The following BSCL2 variants were observed in gnomAD, a reference collection of about 807,000 sequenced individuals.
The protein encoded by BSCL2 is BSCL2 lipid droplet biogenesis associated, seipin.
BSCL2 carries 41 observed loss-of-function variants against 57.4 expected under a neutral mutation model. The observed-to-expected ratio is 0.71, with a 90% CI of 0.56 to 0.93. BSCL2 has a LOEUF of 0.93. BSCL2 is among the 40% of genes least tolerant of loss of function. BSCL2 has a pLI of 0.00. For missense variants in BSCL2, 539 were observed against 586.7 expected, an observed-to-expected ratio of 0.92 and a Z score of 0.84; for synonymous variants, 237 against 227.3, an observed-to-expected ratio of 1.04 and a Z score of -0.38.
intron 3 of BSCL2, among the ~76,000 whole-genome samples, chr11:62,701,434 C>T (rs1475709038): frequency 5.9e-5 from 9 of 152,166 alleles, no homozygotes; most frequent in Middle Eastern, 3.2e-3. Flanking sequence ...TAAACATGCT[C>T]AGAACACTTA....
In BSCL2 at chr11:62,692,824, G is replaced by C. The variant is rs376285926; in HGVS notation, c.631-27C>G. 13 of 1,611,638 alleles carry C rather than the reference G, an allele frequency of 8.1e-6. No homozygotes were observed. The African/African-American group carries it at 1.5e-4, about 18-fold the overall frequency. On this transcript the variant is annotated intron_variant, in intron 4 of 10. Coordinates refer to ENST00000360796, the MANE Select transcript of BSCL2 (RefSeq NM_001122955.4). ...TGCCGGGGGTGGGAAGCAGAGGCTGGGGACAGGTGCATGCCAGATCCCCAT... is the reference window on the plus strand; with the variant it reads ...TGCCGGGGGTGGGAAGCAGAGGCTGCGGACAGGTGCATGCCAGATCCCCAT...
chr11:62,692,643 A>G lies in BSCL2; in HGVS notation c.765+20T>C, dbSNP rs1945343984. 1 of 1,613,720 alleles carries G rather than the reference A, an allele frequency of 6.2e-7. No individual in the cohort carries two copies. Among genetic ancestry groups the G allele is most frequent in the African/African-American group, 1.3e-5 (1 of 74,898 alleles). On this transcript the variant is annotated intron_variant, in intron 5 of 10. Coordinates refer to ENST00000360796, the MANE Select transcript of BSCL2 (RefSeq NM_001122955.4). ...GGGAGGGGCTATCTCCTAGTCATAA[A>G]GCTCGTTCACCTCACTCACCGAGTT...
intron 1 of BSCL2, chr11:62,706,748 T>C: frequency 3.9e-6 from 2 of 519,134 alleles, no homozygotes; most frequent in Non-Finnish European, 7.7e-6. Flanking sequence ...ATGTTGCAGT[T>C]TGCGGCAACC....
In BSCL2 at chr11:62,690,646, G is replaced by A. The variant is rs766492897; in HGVS notation, c.1200C>T (p.Ser400=). 1.4e-5 allele frequency: 22 copies of A among 1,613,804 alleles called. No homozygotes were observed. Among genetic ancestry groups the A allele is most frequent in the Middle Eastern group, 1.6e-4 (1 of 6,084 alleles). ...CCTCAGGCTCTAGCTCCTCTTCTCC[G>A]CTCAGGGGCTGCTGATCTGGTTTCT... ...EEEKPDQQPL[S]GEEELEPEAS... is the part of the protein sequence containing the mutation. The change falls in exon 10 of 11, where the codon AGC becomes AGT. Residue 400 remains serine (S), a synonymous_variant. Transcript: ENST00000360796.
chr11:62,705,176 A>G, intron 2 of BSCL2, 125 bp downstream of exon 2: 1 of 1,048,596 alleles, frequency 9.5e-7, no homozygotes, highest in South Asian at 1.4e-5. Context: ...GAAAGTTGAG[A>G]GGCCCTGGAA....
At chr11:62,697,296 G>A (rs1945499456) in intron 3 of BSCL2, among the ~76,000 whole-genome samples, 1 of 150,390 alleles carries the variant, frequency 6.6e-6, no homozygotes, top group South Asian at 2.1e-4. Flanking sequence ...TTGGGAGGCT[G>A]AGGCAGGAGA....
intron 3 of BSCL2, chr11:62,697,394 A>C (rs911348445): frequency 1.3e-5 from 2 of 151,008 alleles, no homozygotes; most frequent in Admixed American, 6.6e-5. Flanking sequence ...CAAAAAAAAA[A>C]AAAAAAAAAA....
chr11:62,700,084 T>TAAAAAAAAAAAAAAA (rs34412546), intron 3 of BSCL2, among the ~76,000 whole-genome samples: 1 of 80,228 alleles, frequency 1.2e-5, no homozygotes, highest in Non-Finnish European at 2.4e-5. Flanking sequence ...TACTAAAAAT[T>TAAAAAAAAAAAAAAA]AAAAAAAAAA....
At chr11:62,696,866 A>C (rs1590875547) in intron 3 of BSCL2, among the ~76,000 whole-genome samples, 1 of 151,824 alleles carries the variant, frequency 6.6e-6, no homozygotes. Context: ...AAATTCTTTG[A>C]AACATTAAAA....
intron 2 of BSCL2, among the ~76,000 whole-genome samples, chr11:62,705,075 CTTTTTTT>C (rs566098807): frequency 1.8e-4 from 24 of 133,018 alleles, no homozygotes; most frequent in East Asian, 4.3e-4. Context: ...GATATTTTTC[CTTTTTTT>C]TTTTTTTTTT....
chr11:62,707,472 A>G, upstream of BSCL2: 2 of 677,318 alleles, frequency 3.0e-6, no homozygotes, highest in Non-Finnish European at 5.4e-6. Context: ...AGGGGCCGTC[A>G]TAGGCCCAGA....
upstream of BSCL2, chr11:62,708,335 G>A: frequency 6.2e-7 from 1 of 1,613,698 alleles, no homozygotes; most frequent in Non-Finnish European, 8.5e-7. Context: ...TATGAGTATT[G>A]GGCAAGCACG....
chr11:62,697,623 TAA>T (rs879566454), intron 3 of BSCL2: 4 of 137,244 alleles, frequency 2.9e-5, no homozygotes, highest in Non-Finnish European at 3.2e-5. Context: ...CCGTCTCTAC[TAA>T]AAAAAAAAAA....
intron 4 of BSCL2, among the ~76,000 whole-genome samples, chr11:62,694,224 G>A (rs1298159500): frequency 2.4e-5 from 1 of 42,294 alleles, no homozygotes; most frequent in African/African-American, 9.1e-5. Context: ...TTTTTTTTTT[G>A]AGACGGTCTT....
intron 1 of BSCL2, 126 bp from the exon 2 acceptor site, chr11:62,705,743 T>A: frequency 1.1e-6 from 1 of 951,956 alleles, no homozygotes; most frequent in Non-Finnish European, 1.5e-6. Flanking sequence ...TTCATATATA[T>A]GGCCTTTCTC....
intron 3 of BSCL2, among the ~76,000 whole-genome samples, chr11:62,701,576 G>A (rs901349236): frequency 6.6e-6 from 1 of 152,058 alleles, no homozygotes; most frequent in South Asian, 2.1e-4. Flanking sequence ...GGTGGCTGAC[G>A]CCTATAATCC....
upstream of BSCL2, chr11:62,708,722 C>T (rs762498225): frequency 1.2e-6 from 2 of 1,614,000 alleles, no homozygotes; most frequent in East Asian, 2.2e-5. Context: ...GTGATGCCCA[C>T]GCCTGTGAGG....
rs181348876 is a variant in BSCL2 at position 62,700,932 on chromosome 11, G to A, written c.486+1536C>T. Among the ~76,000 whole-genome samples, 148 of 139,526 alleles carry A rather than the reference G, an allele frequency of 1.1e-3. 2 individuals carry two copies. Among genetic ancestry groups the A allele is most frequent in the Middle Eastern group, 0.01 (3 of 286 alleles). 91.5% of individuals were successfully genotyped at this position (139,526 alleles called of 152,430 possible). On this transcript the variant is annotated intron_variant, in intron 3 of 10. Coordinates refer to ENST00000360796, the MANE Select transcript of BSCL2 (RefSeq NM_001122955.4). ...CGCGCCACTGCACTCCAGTCTTGGC[G>A]ACAGAGCAAGACTCTGTCTCAAAAA...
At position 62,694,583 on chromosome 11, in the gene BSCL2, G is replaced by A. The variant is rs140208002; in HGVS notation, c.615C>T (p.Ser205=). Residue 205 remains serine (S), a synonymous_variant, in exon 4 of 11, where the codon TCC becomes TCT. Coordinates refer to ENST00000360796, the MANE Select transcript of BSCL2 (RefSeq NM_001122955.4). ...CAACACTTACCGAACGCGAAGAAGTGGAGATGATTCGGCCACCTCTGGTGT... is the reference window on the plus strand; with the variant it reads ...CAACACTTACCGAACGCGAAGAAGTAGAGATGATTCGGCCACCTCTGGTGT... ...SCYTRGGRII[S]TSSRSVMLHY... 72 of 1,614,062 alleles carry A rather than the reference G, an allele frequency of 4.5e-5. No individual in the cohort carries two copies. The African/African-American group carries it at 7.3e-4, about 16-fold the overall frequency.
Sources: gnomAD v4.1 joint callset for allele counts (sites outside exome capture counted in the v4.1 genomes callset) on GRCh38, gnomAD v4.1.1 for gene constraint, MANE v1.5 for transcripts, NCBI Gene and HGNC (gene_info 2026-07-23, HGNC 2026-07-21) for gene names.